NKAIN2: variants seen among roughly 807,000 people sequenced by gnomAD.
NKAIN2 encodes the protein sodium/potassium-transporting ATPase subunit beta-1-interacting protein 2.
NKAIN2 carries 14 observed loss-of-function variants against 32.6 expected under a neutral mutation model. That is an observed-to-expected ratio of 0.43 (90% CI 0.28 to 0.67). NKAIN2 has a LOEUF of 0.67. Among genes scored for constraint, NKAIN2 ranks in the 30% least tolerant of loss-of-function variants. The probability of loss-of-function intolerance (pLI) is 0.17; values close to 1 mark genes in which losing one functional copy is unlikely to be tolerated. For synonymous variants in NKAIN2, 80 were observed against 87.2 expected (o/e 0.92, Z 0.46); for missense variants, 198 against 258.3 (o/e 0.77, Z 1.60).
intron 3 of NKAIN2, among the ~76,000 whole-genome samples, chr6:124,515,900 A>G (rs1306612995): frequency 2.0e-5 from 3 of 152,190 alleles, no homozygotes; most frequent in Admixed American, 2.0e-4. Flanking sequence ...TTCTACCATC[A>G]AAAAATGCTT....
intron 2 of NKAIN2, among the ~76,000 whole-genome samples, chr6:124,347,702 T>C (rs1379489158): frequency 6.6e-6 from 1 of 152,056 alleles, no homozygotes. Context: ...CTTTAAGCAC[T>C]TCTCTGTATT....
chr6:124,371,817 G>C (rs779370384), intron 3 of NKAIN2, among the ~76,000 whole-genome samples: 1 of 151,784 alleles, frequency 6.6e-6, no homozygotes, highest in Non-Finnish European at 1.5e-5. Context: ...ATTTATGAGG[G>C]TTACAACATT....
intron 3 of NKAIN2, among the ~76,000 whole-genome samples, chr6:124,583,040 C>G (rs1305535796): frequency 6.6e-6 from 1 of 152,034 alleles, no homozygotes; most frequent in Non-Finnish European, 1.5e-5. Flanking sequence ...ACCAAAATCC[C>G]TTCTTCTAAG....
intron 1 of NKAIN2, among the ~76,000 whole-genome samples, chr6:123,811,795 T>C (rs1309427159): frequency 1.3e-5 from 2 of 152,096 alleles, no homozygotes; most frequent in African/African-American, 2.4e-5. Flanking sequence ...TTTTTTTTCA[T>C]AGAATCATTT....
At chr6:124,148,236 AAAT>A (rs1787520047) in intron 1 of NKAIN2, among the ~76,000 whole-genome samples, 1 of 152,080 alleles carries the variant, frequency 6.6e-6, no homozygotes, top group African/African-American at 2.4e-5. Flanking sequence ...TTAACATTTT[AAAT>A]AATAGCTTTA....
chr6:123,865,658 A>G (rs1391913151), intron 1 of NKAIN2, among the ~76,000 whole-genome samples: 1 of 152,212 alleles, frequency 6.6e-6, no homozygotes, highest in Non-Finnish European at 1.5e-5. Context: ...TCTTGGAAAT[A>G]AACTTCAGAA....
At chr6:124,084,652 G>A (rs80271449) in intron 1 of NKAIN2, among the ~76,000 whole-genome samples, 4,436 of 151,830 alleles carry the variant, frequency 0.029, 198 homozygotes, top group African/African-American at 0.098. Context: ...AGGAAAGTCC[G>A]GGAAAAAAGG....
chr6:124,738,902 CTT>C (rs569156240), intron 4 of NKAIN2, among the ~76,000 whole-genome samples: 306 of 151,978 alleles, frequency 2.0e-3, no homozygotes, highest in Admixed American at 4.2e-3. Flanking sequence ...CAATTATTTT[CTT>C]TGTTATTCTT....
At chr6:123,847,989 A>T in intron 1 of NKAIN2, among the ~76,000 whole-genome samples, 1 of 152,174 alleles carries the variant, frequency 6.6e-6, no homozygotes, top group African/African-American at 2.4e-5. Flanking sequence ...GCAGCGTTCT[A>T]GCTCCTAGAG....
At chr6:124,531,295 CT>C (rs200535781) in intron 3 of NKAIN2, among the ~76,000 whole-genome samples, 1 of 151,570 alleles carries the variant, frequency 6.6e-6, no homozygotes, top group Admixed American at 6.6e-5. Context: ...TCAAAACAGA[CT>C]TTTTTTTTGG....
intron 1 of NKAIN2, among the ~76,000 whole-genome samples, chr6:123,924,690 C>T (rs1430919932): frequency 1.3e-5 from 2 of 152,066 alleles, no homozygotes; most frequent in East Asian, 3.9e-4. Context: ...ATCTATGTAA[C>T]GAGTGGACTG....
intron 3 of NKAIN2, among the ~76,000 whole-genome samples, chr6:124,398,252 C>CAAAAAAAAAAAAAAA (rs869039720): frequency 6.4e-4 from 44 of 69,058 alleles, no homozygotes; most frequent in African/African-American, 1.9e-3. Context: ...GACTGCATCT[C>CAAAAAAAAAAAAAAA]AAAAAAAAAA....
chr6:123,889,506 T>C (rs1773896771), intron 1 of NKAIN2, among the ~76,000 whole-genome samples: 1 of 152,124 alleles, frequency 6.6e-6, no homozygotes, highest in Admixed American at 6.6e-5. Context: ...GCTGACTCCA[T>C]GTGAATACAC....
At chr6:124,185,683 T>G (rs989152576) in intron 1 of NKAIN2, among the ~76,000 whole-genome samples, 1 of 152,176 alleles carries the variant, frequency 6.6e-6, no homozygotes, top group African/African-American at 2.4e-5. Flanking sequence ...AAATATACTT[T>G]TTATTTATTC....
intron 2 of NKAIN2, among the ~76,000 whole-genome samples, chr6:124,304,451 A>G (rs1489680833): frequency 6.6e-6 from 1 of 152,218 alleles, no homozygotes; most frequent in Non-Finnish European, 1.5e-5. Flanking sequence ...CCTAGTCAAA[A>G]ATATAAAATG....
At chr6:124,146,263 G>A (rs1419552578) in intron 1 of NKAIN2, among the ~76,000 whole-genome samples, 3 of 150,930 alleles carry the variant, frequency 2.0e-5, no homozygotes, top group Non-Finnish European at 3.0e-5. Context: ...AAATACAATC[G>A]TGGGCAAAAA....
chr6:124,696,339 T>C (rs1390581783), intron 4 of NKAIN2, among the ~76,000 whole-genome samples: 2 of 152,126 alleles, frequency 1.3e-5, no homozygotes, highest in African/African-American at 4.8e-5. Context: ...GGTTTTCCAA[T>C]TTCCTTTCAT....
chr6:124,282,419 C>G (rs527527872), intron 1 of NKAIN2, among the ~76,000 whole-genome samples: 4 of 151,992 alleles, frequency 2.6e-5, no homozygotes, highest in East Asian at 1.9e-4. Context: ...TAGAAGGACC[C>G]TACACACCTC....
intron 1 of NKAIN2, among the ~76,000 whole-genome samples, chr6:124,110,000 C>T (rs1383721884): frequency 2.2e-5 from 2 of 89,474 alleles, no homozygotes; most frequent in Non-Finnish European, 4.9e-5. Context: ...ATTCCATTTG[C>T]TAGTATTTTT....
Sources: gnomAD v4.1 joint callset for allele counts (sites outside exome capture counted in the v4.1 genomes callset) on GRCh38, gnomAD v4.1.1 for gene constraint, MANE v1.5 for transcripts, NCBI Gene and HGNC (gene_info 2026-07-23, HGNC 2026-07-21) for gene names.